The following ATP13A4 variants were observed in gnomAD, a reference collection of about 807,000 sequenced individuals.
ATP13A4 encodes the protein probable cation-transporting ATPase 13A4.
Under a neutral mutation model 142.5 loss-of-function variants are expected in ATP13A4, and 114 were observed. That is an observed-to-expected ratio of 0.80 (90% CI 0.69 to 0.93). The LOEUF is 0.93. ATP13A4 is among the 40% of genes least tolerant of loss of function. The pLI is 0.00. For synonymous variants in ATP13A4, 488 were observed against 514.8 expected (o/e 0.95, Z 0.70); for missense variants, 1,392 against 1,454.0 (o/e 0.96, Z 0.69).
intron 1 of ATP13A4, among the ~76,000 whole-genome samples, chr3:193,542,901 C>T (rs1358693917): frequency 6.6e-6 from 1 of 152,224 alleles, no homozygotes; most frequent in Non-Finnish European, 1.5e-5. Context: ...CACGGTGGCT[C>T]ACGCCTGTAA....
chr3:193,412,177 C>T lies in ATP13A4; in HGVS notation c.3208+1G>A. 1 of 1,596,334 alleles carries T rather than the reference C, an allele frequency of 6.3e-7. No individual in the cohort carries two copies. Among genetic ancestry groups the T allele is most frequent in the Non-Finnish European group, 8.6e-7 (1 of 1,163,848 alleles). On this transcript the variant is annotated splice_donor_variant, in intron 27 of 29. Transcript: ENST00000342695. LOFTEE classifies it high-confidence loss of function. ...CTCTGATGCAGTACAGTTCTACTCA[C>T]AGTTTGTATAAGTTGGCTGTCTAAA...
intron 16 of ATP13A4, among the ~76,000 whole-genome samples, chr3:193,455,621 C>A (rs1183149999): frequency 6.6e-6 from 1 of 152,158 alleles, no homozygotes; most frequent in Non-Finnish European, 1.5e-5. Context: ...TGGAAGAAAA[C>A]ACAGTGATAC....
intron 18 of ATP13A4, among the ~76,000 whole-genome samples, chr3:193,444,269 AAC>A (rs1175678589): frequency 6.6e-6 from 1 of 152,200 alleles, no homozygotes; most frequent in African/African-American, 2.4e-5. Flanking sequence ...ATAGTGGAAC[AAC>A]ATCTTTGAGG....
intron 1 of ATP13A4, among the ~76,000 whole-genome samples, chr3:193,582,586 T>C (rs1724574593): frequency 7.8e-6 from 1 of 127,500 alleles, no homozygotes; most frequent in Non-Finnish European, 1.6e-5. Context: ...ATATATTACA[T>C]ATATTATATA....
intron 29 of ATP13A4, 93 bp downstream of exon 29, chr3:193,407,220 G>T: frequency 1.7e-6 from 2 of 1,146,484 alleles, no homozygotes; most frequent in Non-Finnish European, 2.6e-6. Flanking sequence ...GTCCATGTCA[G>T]CTAAAGTTGT....
intron 28 of ATP13A4, among the ~76,000 whole-genome samples, chr3:193,409,219 T>A (rs1056561283): frequency 1.3e-4 from 20 of 152,028 alleles, no homozygotes; most frequent in Non-Finnish European, 1.8e-4. Context: ...TCCATCCTTT[T>A]AAAAAAAACT....
rs1424501133 is a variant in ATP13A4, at chr3:193,440,540, C to CA, written c.2519+17dup. ...GCCTCCATGCAGTTCATGCCACCTG[C>CA]ACTGGCAAAGAACCTACTCCAGTTT... On this transcript the variant is annotated intron_variant, in intron 21 of 29. Transcript: ENST00000342695. The CA allele has an allele frequency of 6.2e-6, 10 of 1,613,658 alleles. No individual in the cohort carries two copies. In the African/African-American group the frequency reaches 1.3e-4, roughly 22 times the overall value.
chr3:193,506,120 T>G (rs1236177756), intron 2 of ATP13A4, among the ~76,000 whole-genome samples: 1 of 152,238 alleles, frequency 6.6e-6, no homozygotes, highest in East Asian at 1.9e-4. Flanking sequence ...GAGGAAACTC[T>G]AAAAGTCTCT....
chr3:193,408,057 A>G (rs967666167), intron 28 of ATP13A4, among the ~76,000 whole-genome samples: 2 of 152,264 alleles, frequency 1.3e-5, no homozygotes, highest in Non-Finnish European at 2.9e-5. Context: ...TTCCAGGCAC[A>G]TGCCTGATAT....
At chr3:193,458,753 C>A in intron 14 of ATP13A4, 3 of 527,494 alleles carry the variant, frequency 5.7e-6, no homozygotes, top group Non-Finnish European at 1.0e-5. Context: ...AGACAATGCT[C>A]GGAGAACAGT....
intron 1 of ATP13A4, among the ~76,000 whole-genome samples, chr3:193,587,977 T>C (rs1724698609): frequency 6.9e-6 from 1 of 144,942 alleles, no homozygotes; most frequent in African/African-American, 2.5e-5. Context: ...ATATATATAT[T>C]TAAAAATTAG....
At chr3:193,440,665 T>C (rs777019808) in intron 20 of ATP13A4, 28 bp from the exon 21 acceptor site, 3 of 1,608,912 alleles carry the variant, frequency 1.9e-6, no homozygotes, top group Non-Finnish European at 2.6e-6. Flanking sequence ...TGGAGATTTT[T>C]TTATCAAGTC....
At chr3:193,462,616 T>G in intron 13 of ATP13A4, 146 bp downstream of exon 13, 1 of 750,852 alleles carries the variant, frequency 1.3e-6, no homozygotes, top group Non-Finnish European at 2.2e-6. Context: ...GAATTAAAGA[T>G]GAGAAGTTAA....
intron 26 of ATP13A4, among the ~76,000 whole-genome samples, chr3:193,413,703 T>A (rs1372949409): frequency 1.3e-5 from 2 of 152,304 alleles, no homozygotes; most frequent in Admixed American, 1.3e-4. Flanking sequence ...TCAGGCTTAT[T>A]AGGATGGGGG....
At chr3:193,529,659 G>T (rs1444118797) in intron 1 of ATP13A4, among the ~76,000 whole-genome samples, 4 of 152,060 alleles carry the variant, frequency 2.6e-5, no homozygotes, top group Non-Finnish European at 5.9e-5. Flanking sequence ...CTAATCTCCA[G>T]CTGCTTTCTT....
intron 1 of ATP13A4, among the ~76,000 whole-genome samples, chr3:193,535,181 G>A (rs1468568705): frequency 6.6e-6 from 1 of 152,100 alleles, no homozygotes; most frequent in African/African-American, 2.4e-5. Flanking sequence ...TCAACCGACA[G>A]AACTTAACTG....
intron 24 of ATP13A4, among the ~76,000 whole-genome samples, chr3:193,435,019 C>A (rs1264070391): frequency 6.6e-6 from 1 of 152,124 alleles, no homozygotes; most frequent in Non-Finnish European, 1.5e-5. Flanking sequence ...ATACTAAAAC[C>A]AAAGTTAATA....
intron 25 of ATP13A4, among the ~76,000 whole-genome samples, chr3:193,429,923 G>T (rs1375665809): frequency 6.6e-6 from 1 of 151,986 alleles, no homozygotes; most frequent in African/African-American, 2.4e-5. Context: ...TGGATAGTAA[G>T]ATAAAAATAG....
chr3:193,467,473 T>C lies in ATP13A4; in HGVS notation c.957A>G (p.Pro319=). The change falls in exon 10 of 30, where the codon CCA becomes CCG. Residue 319 remains proline (P), a synonymous_variant. Transcript: ENST00000342695. ...TCTTGGGTAACGGAGTTTTGGTGACTGGAATACTTTCTCCTACAGAAAACA... is the reference window on the plus strand; with the variant it reads ...TCTTGGGTAACGGAGTTTTGGTGACCGGAATACTTTCTCCTACAGAAAACA... ...DEGMLTGESI[P]VTKTPLPKMD... 6.2e-7 allele frequency: 1 copy of C among 1,613,510 alleles called. No individual in the cohort carries two copies. The highest frequency in any genetic ancestry group is 8.5e-7 in the Non-Finnish European group (1 of 1,179,930).
Sources: allele counts gnomAD v4.1 joint callset (sites outside exome capture counted in the v4.1 genomes callset), GRCh38; gene constraint gnomAD v4.1.1; transcripts MANE v1.5; gene names NCBI Gene and HGNC (gene_info 2026-07-23, HGNC 2026-07-21).